DOCK9: variants seen among roughly 807,000 people sequenced by gnomAD.
The protein encoded by DOCK9 is dedicator of cytokinesis 9.
DOCK9 carries 89 observed loss-of-function variants against 263.3 expected under a neutral mutation model. The ratio of observed to expected loss-of-function variants is 0.34; its 90% CI spans 0.28 to 0.40. The LOEUF (loss-of-function observed/expected upper bound fraction) is 0.40, where lower values mean the gene tolerates loss of function less well. Ranked by LOEUF, DOCK9 falls within the 10% of genes least tolerant of loss-of-function variation. The pLI is 1.00. For synonymous variants in DOCK9, 976 were observed against 973.1 expected (o/e 1.00, Z -0.06); for missense variants, 2,140 against 2,603.4 (o/e 0.82, Z 3.87).
intron 1 of DOCK9, among the ~76,000 whole-genome samples, chr13:99,065,257 C>T (rs137991492): frequency 5.9e-5 from 9 of 152,320 alleles, no homozygotes; most frequent in African/African-American, 2.2e-4. Flanking sequence ...ACTTCTTACA[C>T]ATAACTTACA....
chr13:99,084,187 G>C (rs998946636), intron 1 of DOCK9, among the ~76,000 whole-genome samples: 2 of 152,222 alleles, frequency 1.3e-5, no homozygotes, highest in Admixed American at 1.3e-4. Context: ...GGAGCCACTA[G>C]AGGAAGTAAG....
At chr13:98,939,315 A>C (rs11839393) in intron 2 of DOCK9, among the ~76,000 whole-genome samples, 10,156 of 152,196 alleles carry the variant, frequency 0.067, 544 homozygotes, top group African/African-American at 0.15. Flanking sequence ...AGAGAGAAGA[A>C]GGCCCGGGGT....
chr13:99,077,999 A>G (rs2041979005), intron 1 of DOCK9, among the ~76,000 whole-genome samples: 1 of 152,228 alleles, frequency 6.6e-6, no homozygotes, highest in African/African-American at 2.4e-5. Flanking sequence ...GATAAACAGA[A>G]GAGACACAGG....
chr13:99,037,955 AC>A (rs1196003369), intron 1 of DOCK9, among the ~76,000 whole-genome samples: 1 of 152,220 alleles, frequency 6.6e-6, no homozygotes. Context: ...AACAGGAAGG[AC>A]GGATCATAAA....
intron 4 of DOCK9, among the ~76,000 whole-genome samples, chr13:98,924,560 G>C (rs2052610338): frequency 6.6e-6 from 1 of 152,210 alleles, no homozygotes. Flanking sequence ...GGTCCCCGTT[G>C]TTGCATAATT....
intron 2 of DOCK9, among the ~76,000 whole-genome samples, chr13:98,931,189 C>T (rs562541884): frequency 5.9e-5 from 9 of 152,338 alleles, no homozygotes; most frequent in African/African-American, 1.9e-4. Context: ...GTTCATTAGG[C>T]TTAAATGCTT....
chr13:99,030,969 T>C (rs921470082), intron 1 of DOCK9, among the ~76,000 whole-genome samples: 1 of 152,292 alleles, frequency 6.6e-6, no homozygotes, highest in South Asian at 2.1e-4. Flanking sequence ...CTACAGAGTT[T>C]AACAGGAAAA....
chr13:98,914,771 G>A (rs1484188148), intron 8 of DOCK9, among the ~76,000 whole-genome samples: 1 of 152,106 alleles, frequency 6.6e-6, no homozygotes, highest in African/African-American at 2.4e-5. Context: ...AAGCTCCCAG[G>A]TACTTCTAAG....
intron 30 of DOCK9, among the ~76,000 whole-genome samples, chr13:98,864,019 T>C (rs928758921): frequency 1.4e-4 from 21 of 152,354 alleles, no homozygotes; most frequent in African/African-American, 4.8e-4. Flanking sequence ...CATGAGTTCA[T>C]ATATTCCTTT....
chr13:98,889,342 G>T (rs1294125066), intron 15 of DOCK9, among the ~76,000 whole-genome samples: 1 of 152,096 alleles, frequency 6.6e-6, no homozygotes, highest in Non-Finnish European at 1.5e-5. Flanking sequence ...CACCACTAAA[G>T]AACTTATTCA....
Position 98,881,987 on chromosome 13 carries a change from G to C in DOCK9, c.2580C>G (p.Gly860=), listed in dbSNP as rs757507504. Residue 860 remains glycine (G), a synonymous_variant, in exon 24 of 53, where the codon GGC becomes GGG. Coordinates refer to ENST00000682017, the MANE Select transcript of DOCK9 (RefSeq NM_001366683.2). The part of the protein sequence containing the change: ...KYLKSLHAME[G]HVMIAFLPTI... The stretch of plus-strand genomic sequence containing the variant: ...TGGGCAAGAAGGCGATCATCACGTG[G>C]CCTTCCATCGCATGCAGACTCTACG... 6.3e-7 allele frequency: 1 copy of C among 1,592,574 alleles called. No homozygotes were observed. Among genetic ancestry groups the C allele is most frequent in the South Asian group, 1.2e-5 (1 of 86,840 alleles).
upstream of DOCK9, among the ~76,000 whole-genome samples, chr13:98,979,178 CAATAGTAGT>C: frequency 8.5e-6 from 1 of 117,214 alleles, no homozygotes; most frequent in South Asian, 3.0e-4. Context: ...GTAGCAGCAG[CAATAGTAGT>C]AGTAGTAGTA....
chr13:98,881,651 A>C (rs1291641216), intron 24 of DOCK9, 24 bp from the exon 25 acceptor site: 1 of 1,588,164 alleles, frequency 6.3e-7, no homozygotes, highest in Admixed American at 1.8e-5. Context: ...GAGTGAATAA[A>C]GCAAAGAATA....
intron 1 of DOCK9, among the ~76,000 whole-genome samples, chr13:99,045,315 A>G (rs1888863266): frequency 6.6e-6 from 1 of 152,250 alleles, no homozygotes; most frequent in African/African-American, 2.4e-5. Flanking sequence ...TATATACACA[A>G]TGAAATATCA....
chr13:98,890,188 C>G (rs189108205), intron 15 of DOCK9, among the ~76,000 whole-genome samples: 3 of 152,150 alleles, frequency 2.0e-5, no homozygotes, highest in African/African-American at 7.2e-5. Context: ...AATATTTAAT[C>G]AGCATGTTAT....
At chr13:98,921,228 G>T in intron 6 of DOCK9, 140 bp from the exon 7 acceptor site, 1 of 833,814 alleles carries the variant, frequency 1.2e-6, no homozygotes, top group Non-Finnish European at 1.8e-6. Context: ...TCACTGTGGG[G>T]TCAAGACTCC....
intron 1 of DOCK9, among the ~76,000 whole-genome samples, chr13:99,019,617 C>A (rs1054042185): frequency 3.3e-5 from 5 of 152,160 alleles, no homozygotes; most frequent in African/African-American, 7.2e-5. Context: ...CTCTCTCAAG[C>A]CATTTTAGGA....
intron 2 of DOCK9, among the ~76,000 whole-genome samples, chr13:98,946,078 A>T (rs1257981062): frequency 6.6e-6 from 1 of 152,192 alleles, no homozygotes; most frequent in African/African-American, 2.4e-5. Flanking sequence ...GGCTGCAGAC[A>T]GACAGCGGAT....
intron 43 of DOCK9, 70 bp from the exon 44 acceptor site, chr13:98,826,957 G>C (rs1165859473): frequency 8.3e-7 from 1 of 1,202,470 alleles, no homozygotes; most frequent in Non-Finnish European, 1.2e-6. Flanking sequence ...CACACAGACA[G>C]AAATCTAATC....
Sources: allele counts gnomAD v4.1 joint callset (sites outside exome capture counted in the v4.1 genomes callset), GRCh38; gene constraint gnomAD v4.1.1; transcripts MANE v1.5; gene names NCBI Gene and HGNC (gene_info 2026-07-23, HGNC 2026-07-21).